Variants in CAST observed in about 807,000 individuals in gnomAD.
CAST encodes MIR583 host.
A neutral mutation model predicts 119.6 loss-of-function variants in CAST; 76 were observed. That is an observed-to-expected ratio of 0.64 (90% CI 0.53 to 0.77). The LOEUF is 0.77. CAST is among the 30% of genes least tolerant of loss of function. The pLI, the probability that CAST is intolerant of heterozygous loss-of-function variation, is 0.00. For synonymous variants in CAST, 319 were observed against 331.6 expected, an observed-to-expected ratio of 0.96 and a Z score of 0.41; for missense variants, 953 against 946.5, an observed-to-expected ratio of 1.01 and a Z score of -0.09.
At chr5:96,095,556 CAAAAAAAAAAAA>C in the CAST span, among the ~76,000 whole-genome samples, 6 of 57,540 alleles carry the variant, frequency 1.0e-4, no homozygotes, top group Admixed American at 5.7e-4. Context: ...GACTCTGTTT[CAAAAAAAAAAAA>C]AAAAAAAAAA....
the CAST span, among the ~76,000 whole-genome samples, chr5:96,305,396 C>A: frequency 1.3e-5 from 2 of 152,216 alleles, no homozygotes; most frequent in African/African-American, 2.4e-5. Flanking sequence ...ATGTCATCTG[C>A]AAACAAAGAC....
chr5:96,033,895 C>T, the CAST span, among the ~76,000 whole-genome samples: 2 of 152,130 alleles, frequency 1.3e-5, no homozygotes, highest in Non-Finnish European at 2.9e-5. Flanking sequence ...TATTAGCAAA[C>T]TATGTATCTG....
At chr5:96,298,401 G>A in the CAST span, among the ~76,000 whole-genome samples, 1 of 152,084 alleles carries the variant, frequency 6.6e-6, no homozygotes, top group Non-Finnish European at 1.5e-5. Context: ...CATTAACACG[G>A]GATAAGAGTA....
At chr5:96,594,290 C>A (rs1277923580) in intron 1 of CAST, among the ~76,000 whole-genome samples, 1 of 152,218 alleles carries the variant, frequency 6.6e-6, no homozygotes, top group Admixed American at 6.5e-5. Flanking sequence ...AAAGATAGGG[C>A]AACCCATAGC....
the CAST span, among the ~76,000 whole-genome samples, chr5:96,034,508 T>C: frequency 0.43 from 30,530 of 71,712 alleles, 4,156 homozygotes; most frequent in Non-Finnish European, 0.47. Context: ...CACACACACA[T>C]ATGTGTGTGT....
chr5:96,199,222 T>G, the CAST span, among the ~76,000 whole-genome samples: 1 of 152,166 alleles, frequency 6.6e-6, no homozygotes, highest in African/African-American at 2.4e-5. Flanking sequence ...GATGGATATA[T>G]CTCATCATTT....
the CAST span, among the ~76,000 whole-genome samples, chr5:96,362,105 T>G: frequency 6.6e-6 from 1 of 152,100 alleles, no homozygotes; most frequent in South Asian, 2.1e-4. Context: ...GTCCTTGCGA[T>G]AGTTTGCTGA....
At chr5:96,617,790 TAAAAAAAAAAAAAAAA>T (rs1162873931) in intron 1 of CAST, among the ~76,000 whole-genome samples, 2,909 of 21,908 alleles carry the variant, frequency 0.13, 87 homozygotes, top group South Asian at 0.23. Context: ...AAATTCCATC[TAAAAAAAAAAAAAAAA>T]AAAAAAAAAA....
chr5:96,279,213 T>C, the CAST span, among the ~76,000 whole-genome samples: 1 of 152,162 alleles, frequency 6.6e-6, no homozygotes, highest in Non-Finnish European at 1.5e-5. Context: ...CAGGTCACAT[T>C]GCTTTACTCT....
intron 12 of CAST, 55 bp from the exon 13 acceptor site, chr5:96,740,690 G>A (rs57416384): frequency 2.4e-5 from 32 of 1,332,672 alleles, no homozygotes; most frequent in Non-Finnish European, 3.1e-5. Flanking sequence ...ACATTTTGCC[G>A]ATCTTAAGGA....
chr5:96,218,821 G>A, the CAST span, among the ~76,000 whole-genome samples: 1 of 152,216 alleles, frequency 6.6e-6, no homozygotes, highest in South Asian at 2.1e-4. Context: ...AGGCACAGCA[G>A]GCCGGGAGAA....
chr5:96,291,843 CGTGTGTGTGTGTGTGTGTGTGTGTGT>C, the CAST span, among the ~76,000 whole-genome samples: 1 of 132,968 alleles, frequency 7.5e-6, no homozygotes, highest in African/African-American at 2.8e-5. Flanking sequence ...TCCCAGTCTG[CGTGTGTGTGTGTGTGTGTGTGTGTGT>C]GTGTGTGTGT....
intron 1 of CAST, among the ~76,000 whole-genome samples, chr5:96,574,449 A>G (rs544744569): frequency 2.4e-4 from 36 of 152,268 alleles, no homozygotes; most frequent in African/African-American, 7.9e-4. Flanking sequence ...CATTTATTGA[A>G]CATACGGTCT....
At chr5:95,983,850 A>G in the CAST span, among the ~76,000 whole-genome samples, 4 of 152,176 alleles carry the variant, frequency 2.6e-5, no homozygotes, top group East Asian at 7.7e-4. Context: ...TTTACAATAA[A>G]CATGCTGATT....
the CAST span, among the ~76,000 whole-genome samples, chr5:96,254,615 T>C: frequency 2.6e-5 from 4 of 152,144 alleles, no homozygotes; most frequent in Non-Finnish European, 5.9e-5. Context: ...TACTTAGCTC[T>C]TGAGAGAGAA....
At chr5:96,440,481 A>G in the CAST span, among the ~76,000 whole-genome samples, 3 of 152,092 alleles carry the variant, frequency 2.0e-5, no homozygotes, top group Admixed American at 6.5e-5. Flanking sequence ...TGTATTGGCC[A>G]GGTCTGAGTT....
At chr5:96,745,830 A>G (rs1763647023) in intron 16 of CAST, among the ~76,000 whole-genome samples, 1 of 152,174 alleles carries the variant, frequency 6.6e-6, no homozygotes. Flanking sequence ...CGCTTCTCCC[A>G]TATCTGAACT....
At chr5:96,412,438 A>T in the CAST span, 2 of 1,614,048 alleles carry the variant, frequency 1.2e-6, no homozygotes, top group Non-Finnish European at 1.7e-6. Flanking sequence ...GATTGAATCC[A>T]ATTGAACTGG....
the CAST span, among the ~76,000 whole-genome samples, chr5:96,407,978 G>C: frequency 6.6e-6 from 1 of 152,080 alleles, no homozygotes; most frequent in African/African-American, 2.4e-5. Flanking sequence ...TTGTAGAATG[G>C]GTTTTAAAAA....
Sources: allele counts gnomAD v4.1 joint callset (sites outside exome capture counted in the v4.1 genomes callset), GRCh38; gene constraint gnomAD v4.1.1; transcripts MANE v1.5; gene names NCBI Gene and HGNC (gene_info 2026-07-23, HGNC 2026-07-21).